C10orf90: variants seen among roughly 807,000 people sequenced by gnomAD.
The protein encoded by C10orf90 is (E2-independent) E3 ubiquitin-conjugating enzyme FATS.
C10orf90 carries 56 observed loss-of-function variants against 62.5 expected under a neutral mutation model. The ratio of observed to expected loss-of-function variants is 0.90; its 90% CI spans 0.72 to 1.12. The LOEUF (loss-of-function observed/expected upper bound fraction) is 1.12, where lower values mean the gene tolerates loss of function less well. Among genes scored for constraint, C10orf90 ranks in the 50% most tolerant of loss-of-function variants. The pLI, the probability that C10orf90 is intolerant of heterozygous loss-of-function variation, is 0.00. For missense variants in C10orf90, 970 were observed against 880.4 expected, an observed-to-expected ratio of 1.10 and a Z score of -1.29; for synonymous variants, 386 against 340.4, an observed-to-expected ratio of 1.13 and a Z score of -1.47.
chr10:126,499,267 A>G (rs1862247993), intron 4 of C10orf90, among the ~76,000 whole-genome samples: 1 of 152,174 alleles, frequency 6.6e-6, no homozygotes, highest in Non-Finnish European at 1.5e-5. Flanking sequence ...CTCCACTGCC[A>G]CTATCAAAGG....
At chr10:126,568,649 G>C (rs1844442086) in intron 2 of C10orf90, among the ~76,000 whole-genome samples, 1 of 152,148 alleles carries the variant, frequency 6.6e-6, no homozygotes, top group Non-Finnish European at 1.5e-5. Flanking sequence ...TAAGGCATGG[G>C]GATTGTGCAG....
At chr10:126,439,704 A>C (rs1221193795) in intron 7 of C10orf90, among the ~76,000 whole-genome samples, 1 of 152,232 alleles carries the variant, frequency 6.6e-6, no homozygotes, top group East Asian at 1.9e-4. Context: ...TTAACAGACA[A>C]ATTAAGCAGA....
Position 126,504,875 on chromosome 10 carries a change from T to A in C10orf90, c.616A>T (p.Ile206Phe), listed in dbSNP as rs767979907. The stretch of plus-strand genomic sequence containing the variant: ...CCTCGCTCATCTGACGGTGCCGGGA[T>A]TCCTAATCTGCCCGGAAGTAACGCA... ...AFALLPGRLG[I>F]PAPSDERGPE... The change falls in exon 4 of 10, where the codon ATC (isoleucine) becomes TTC (phenylalanine). Residue 206 changes from isoleucine to phenylalanine, a missense_variant. By Grantham distance (21) the Ile-to-Phe change is conservative. Coordinates refer to ENST00000488181, the MANE Select transcript of C10orf90 (RefSeq NM_001350921.2). The surrounding 1 kb of genome is among the most constrained non-coding windows in gnomAD (Gnocchi z 4.1). 4 of 1,613,814 alleles carry A rather than the reference T, an allele frequency of 2.5e-6. No individual in the cohort carries two copies. The African/African-American group carries it at 5.3e-5, about 22-fold the overall frequency.
At chr10:126,582,262 CT>C (rs1233014566) in intron 2 of C10orf90, among the ~76,000 whole-genome samples, 14 of 152,306 alleles carry the variant, frequency 9.2e-5, no homozygotes, top group African/African-American at 3.4e-4. Flanking sequence ...CTAAGGGCAC[CT>C]TTAAAGAATA....
intron 2 of C10orf90, among the ~76,000 whole-genome samples, chr10:126,554,543 A>G (rs1408155138): frequency 2.0e-5 from 3 of 152,204 alleles, no homozygotes; most frequent in Admixed American, 6.5e-5. Context: ...GTGCTATCTC[A>G]TTAAACATAA....
Position 126,425,666 on chromosome 10 carries a change from A to T in C10orf90, c.*198T>A, listed in dbSNP as rs536195929. 1.7e-6 allele frequency: 1 copy of T among 604,186 alleles called. No individual in the cohort carries two copies. Among genetic ancestry groups the T allele is most frequent in the African/African-American group, 1.9e-5 (1 of 53,872 alleles). The allele number at this position is 604,186 out of a possible 1,614,324, so 37.4% of individuals were successfully genotyped here. A position where few individuals can be genotyped will look rare whatever the true frequency, so the allele number is the denominator to read the frequency against. ...GTGGTTTCCCCACAACAGATTGTTG[A>T]CCTATTTTCTCGAGGGTTATTGTTT... On this transcript the variant is annotated 3_prime_UTR_variant, in exon 10 of 10. Coordinates refer to ENST00000488181, the MANE Select transcript of C10orf90 (RefSeq NM_001350921.2).
intron 2 of C10orf90, among the ~76,000 whole-genome samples, chr10:126,531,641 A>G (rs1197576768): frequency 6.6e-6 from 1 of 152,266 alleles, no homozygotes; most frequent in African/African-American, 2.4e-5. Context: ...TAACTTGAAA[A>G]AAATCACAGA....
At chr10:126,455,135 A>G (rs1474624740) in intron 7 of C10orf90, among the ~76,000 whole-genome samples, 5 of 152,124 alleles carry the variant, frequency 3.3e-5, no homozygotes, top group African/African-American at 1.2e-4. Flanking sequence ...CTGAAGCTAC[A>G]CTACCAGCTC....
intron 8 of C10orf90, among the ~76,000 whole-genome samples, chr10:126,427,144 T>C (rs960548991): frequency 6.6e-6 from 1 of 152,240 alleles, no homozygotes; most frequent in African/African-American, 2.4e-5. Flanking sequence ...CGGGAAATGC[T>C]TGTGCCTAGT....
chr10:126,630,131 T>A (rs1385078563), intron 2 of C10orf90, among the ~76,000 whole-genome samples: 1 of 152,202 alleles, frequency 6.6e-6, no homozygotes, highest in Non-Finnish European at 1.5e-5. Flanking sequence ...CTTCTTGATG[T>A]CCCTGTGATG....
At chr10:126,608,583 T>C (rs563470687) in intron 2 of C10orf90, among the ~76,000 whole-genome samples, 5 of 152,350 alleles carry the variant, frequency 3.3e-5, no homozygotes, top group Admixed American at 2.6e-4. Context: ...AAACTATTTC[T>C]CCTTTTCCAG....
intron 4 of C10orf90, among the ~76,000 whole-genome samples, chr10:126,471,246 C>T (rs1034817595): frequency 1.3e-5 from 2 of 152,338 alleles, no homozygotes; most frequent in Admixed American, 6.5e-5. Context: ...ACCTGAAAAT[C>T]AACCCGCAGG....
intron 2 of C10orf90, among the ~76,000 whole-genome samples, chr10:126,594,902 G>T (rs1415933872): frequency 2.0e-5 from 3 of 152,168 alleles, no homozygotes; most frequent in Non-Finnish European, 2.9e-5. Flanking sequence ...CATGCCCGTG[G>T]GTCTGGACTG....
At chr10:126,487,022 G>A (rs1047612769) in intron 4 of C10orf90, among the ~76,000 whole-genome samples, 4 of 151,342 alleles carry the variant, frequency 2.6e-5, no homozygotes, top group African/African-American at 4.9e-5. Flanking sequence ...GCAGGTGCCT[G>A]TAATCCCAGC....
intron 1 of C10orf90, among the ~76,000 whole-genome samples, chr10:126,652,835 T>C (rs2002950): frequency 0.13 from 20,345 of 152,164 alleles, 1,590 homozygotes; most frequent in Non-Finnish European, 0.18. Flanking sequence ...GCATGTTCTA[T>C]TATGTTTCTT....
chr10:126,447,108 A>T (rs1490217940), intron 7 of C10orf90, among the ~76,000 whole-genome samples: 1 of 152,152 alleles, frequency 6.6e-6, no homozygotes, highest in African/African-American at 2.4e-5. Context: ...CAAAGGAAGA[A>T]ATGAACAAAG....
intron 1 of C10orf90, among the ~76,000 whole-genome samples, chr10:126,657,250 C>T (rs906288718): frequency 6.6e-5 from 10 of 152,172 alleles, no homozygotes; most frequent in African/African-American, 2.4e-4. Context: ...CACCACTAAC[C>T]ATCTCCAGTA....
chr10:126,459,817 G>C (rs1249237395), intron 6 of C10orf90, among the ~76,000 whole-genome samples: 1 of 152,110 alleles, frequency 6.6e-6, no homozygotes, highest in Non-Finnish European at 1.5e-5. Context: ...AAGTCCCTAT[G>C]TCTCCACTCC....
chr10:126,524,519 G>T, intron 2 of C10orf90: 1 of 570,296 alleles, frequency 1.8e-6, no homozygotes, highest in Non-Finnish European at 2.2e-6. Flanking sequence ...CCTAAGCAGA[G>T]AGTCAGGGCT....
Sources: allele counts gnomAD v4.1 joint callset (sites outside exome capture counted in the v4.1 genomes callset), GRCh38; gene constraint gnomAD v4.1.1; non-coding constraint Gnocchi (gnomAD v3.1); transcripts MANE v1.5; gene names NCBI Gene and HGNC (gene_info 2026-07-23, HGNC 2026-07-21).